The following GPATCH8 variants were observed in gnomAD, a reference collection of about 807,000 sequenced individuals.
The protein encoded by GPATCH8 is G-patch domain containing 8.
Under a neutral mutation model 118.3 loss-of-function variants are expected in GPATCH8, and 18 were observed. That is an observed-to-expected ratio of 0.15 (90% CI 0.11 to 0.23). The LOEUF (loss-of-function observed/expected upper bound fraction) is 0.23. GPATCH8 is among the 10% of genes least tolerant of loss of function. GPATCH8 has a pLI of 1.00. For missense variants in GPATCH8, 1,631 were observed against 1,873.8 expected (o/e 0.87, Z 2.39); for synonymous variants, 659 against 684.7 (o/e 0.96, Z 0.59).
In GPATCH8 at chr17:44,396,566, ATATTT is replaced by A. The variant is rs1178707834; in HGVS notation, c.*997_*1001del. The A allele has an allele frequency of 1.6e-5, 7 of 435,612 alleles. No individual in the cohort carries two copies. The highest frequency in any genetic ancestry group is 6.2e-5 in the African/African-American group (3 of 48,670). 27.0% of individuals were successfully genotyped at this position (435,612 alleles called of 1,614,324 possible). On this transcript the variant is annotated 3_prime_UTR_variant, in exon 8 of 8. Transcript: ENST00000591680. ...CAGTTTTGCATCTAGCAGAAAACAAATATTTTATTTTTTGTTTTCATTTTATAACC... is the reference window on the plus strand; with the variant it reads ...CAGTTTTGCATCTAGCAGAAAACAAATATTTTTTGTTTTCATTTTATAACC...
chr17:44,503,259 CGGAGATGAA>C (rs1555652053), intron 1 of GPATCH8, 58 bp downstream of exon 1: 42 of 1,357,394 alleles, frequency 3.1e-5, no homozygotes, highest in Non-Finnish European at 2.4e-5. Flanking sequence ...GGCTGGGAGC[CGGAGATGAA>C]GGAGGTTCTG....
intron 3 of GPATCH8, among the ~76,000 whole-genome samples, chr17:44,450,104 G>C (rs1000276168): frequency 6.6e-6 from 1 of 152,148 alleles, no homozygotes; most frequent in Non-Finnish European, 1.5e-5. Context: ...GTATAGCAAG[G>C]TCACAGTGCT....
chr17:44,483,637 TTTA>T (rs1968522415), intron 1 of GPATCH8, among the ~76,000 whole-genome samples: 1 of 151,274 alleles, frequency 6.6e-6, no homozygotes, highest in African/African-American at 2.4e-5. Context: ...TAATCAGAAA[TTTA>T]CTTTATTTTT....
intron 1 of GPATCH8, among the ~76,000 whole-genome samples, chr17:44,501,425 A>T (rs1970058918): frequency 6.6e-6 from 1 of 152,152 alleles, no homozygotes; most frequent in Non-Finnish European, 1.5e-5. Context: ...TCAAAAAAAA[A>T]AAAAATTTTT....
At chr17:44,467,280 G>A (rs773927897) in intron 2 of GPATCH8, 4 of 305,524 alleles carry the variant, frequency 1.3e-5, no homozygotes, top group African/African-American at 2.2e-5. Context: ...AGAGATTCAA[G>A]AGCAGCGTGT....
Position 44,405,847 on chromosome 17 carries a change from A to G in GPATCH8, c.623+74T>C, listed in dbSNP as rs147486465. The stretch of plus-strand genomic sequence containing the variant: ...AATCTTAATTTAAATCTTAAATTAT[A>G]ATCTGAAATCTATAATTTAAAATTT... On this transcript the variant is annotated intron_variant, in intron 7 of 7. Transcript: ENST00000591680. 442 of 1,114,500 alleles carry G rather than the reference A, an allele frequency of 4.0e-4. 5 individuals are homozygous for G. In the East Asian group the frequency reaches 0.011, roughly 29 times the overall value. 69.0% of individuals were successfully genotyped at this position (1,114,500 alleles called of 1,614,324 possible).
At chr17:44,489,669 G>C (rs1969085062) in intron 1 of GPATCH8, among the ~76,000 whole-genome samples, 1 of 151,786 alleles carries the variant, frequency 6.6e-6, no homozygotes, top group Admixed American at 6.6e-5. Context: ...TGTTATACTA[G>C]AAAAACAAAA....
intron 2 of GPATCH8, 151 bp from the exon 3 acceptor site, chr17:44,464,695 A>G (rs988846414): frequency 1.5e-6 from 1 of 669,740 alleles, no homozygotes; most frequent in African/African-American, 1.8e-5. Flanking sequence ...GCCCAATAAG[A>G]GGGACATTAA....
At chr17:44,464,647 A>C (rs2051688901) in intron 2 of GPATCH8, 103 bp from the exon 3 acceptor site, 1 of 788,406 alleles carries the variant, frequency 1.3e-6, no homozygotes, top group Admixed American at 1.7e-5. Flanking sequence ...ACTTCTACAT[A>C]TATGCATGCA....
At chr17:44,444,838 C>A (rs2050820184) in intron 3 of GPATCH8, among the ~76,000 whole-genome samples, 1 of 152,154 alleles carries the variant, frequency 6.6e-6, no homozygotes, top group Admixed American at 6.6e-5. Context: ...ATATCCATAT[C>A]TGACACAGTA....
rs752307910 is a variant in GPATCH8, at chr17:44,437,945, G to GAA, written c.194-1402_194-1401dup. Among the ~76,000 whole-genome samples the GAA allele has an allele frequency of 8.3e-4, 53 of 63,596 alleles. 1 individual carries two copies. Among genetic ancestry groups the GAA allele is most frequent in the Admixed American group, 3.4e-3 (19 of 5,532 alleles). 41.7% of individuals were successfully genotyped at this position (63,596 alleles called of 152,430 possible). A position where few individuals can be genotyped will look rare whatever the true frequency, so the allele number is the denominator to read the frequency against. On this transcript the variant is annotated intron_variant, in intron 3 of 7. Coordinates refer to ENST00000591680, the MANE Select transcript of GPATCH8 (RefSeq NM_001002909.4). ...AACTGTTAAAGAACATCTCATGTCA[G>GAA]AAAAAAAAAAAAAACAAAACAACAA... is the stretch of plus-strand genomic sequence containing the variant.
chr17:44,415,647 A>T (rs540939902), intron 6 of GPATCH8, among the ~76,000 whole-genome samples: 7 of 152,362 alleles, frequency 4.6e-5, no homozygotes, highest in Admixed American at 4.6e-4. Flanking sequence ...AAATGGCACA[A>T]CAACAACCCA....
chr17:44,461,625 T>C (rs761771091), intron 3 of GPATCH8, among the ~76,000 whole-genome samples: 2 of 152,128 alleles, frequency 1.3e-5, no homozygotes, highest in African/African-American at 2.4e-5. Flanking sequence ...GGAGGCAAAA[T>C]ATGGATAAAA....
intron 5 of GPATCH8, among the ~76,000 whole-genome samples, chr17:44,432,539 G>A (rs1021774031): frequency 5.9e-5 from 9 of 152,168 alleles, no homozygotes; most frequent in Non-Finnish European, 1.2e-4. Context: ...TGCAAGTAAT[G>A]CATTTTGTAC....
At chr17:44,451,162 C>T (rs11871577) in intron 3 of GPATCH8, among the ~76,000 whole-genome samples, 75,822 of 151,900 alleles carry the variant, frequency 0.5, 20,619 homozygotes, top group Middle Eastern at 0.62. Context: ...GTCACCCAGG[C>T]GGCTCACTGT....
intron 5 of GPATCH8, among the ~76,000 whole-genome samples, chr17:44,430,623 C>T (rs1400420305): frequency 2.6e-5 from 4 of 151,602 alleles, no homozygotes; most frequent in African/African-American, 7.3e-5. Context: ...ATCAGAAAGA[C>T]GACAGGAATG....
intron 3 of GPATCH8, among the ~76,000 whole-genome samples, chr17:44,446,708 A>C (rs1346750496): frequency 1.3e-5 from 2 of 152,210 alleles, no homozygotes; most frequent in African/African-American, 4.8e-5. Flanking sequence ...GCCAACAATC[A>C]AATGCCTTCT....
Position 44,397,914 on chromosome 17 carries a change from G to A in GPATCH8, c.4163C>T (p.Ala1388Val), listed in dbSNP as rs1259034324. The change falls in exon 8 of 8, where the codon GCT (alanine) becomes GTT (valine). Residue 1388 changes from alanine to valine, a missense_variant. By Grantham distance (64) the Ala-to-Val change is moderately conservative. Coordinates refer to ENST00000591680, the MANE Select transcript of GPATCH8 (RefSeq NM_001002909.4). ...AILQHHAAAA[A>V]AAIGIHPHPH... is the part of the protein sequence containing the mutation. ...GTGAGGGTGAATGCCGATGGCGGCA[G>A]CAGCTGCGGCAGCATGATGTTGTAG... The A allele has an allele frequency of 7.4e-6, 12 of 1,612,462 alleles. No homozygotes were observed. Among genetic ancestry groups the A allele is most frequent in the Non-Finnish European group, 1.0e-5 (12 of 1,178,572 alleles).
At chr17:44,481,150 G>A in intron 1 of GPATCH8, among the ~76,000 whole-genome samples, 1 of 152,148 alleles carries the variant, frequency 6.6e-6, no homozygotes, top group African/African-American at 2.4e-5. Flanking sequence ...GGCTCAATCT[G>A]CCCATCTTAG....
Sources: allele counts gnomAD v4.1 joint callset (sites outside exome capture counted in the v4.1 genomes callset), GRCh38; gene constraint gnomAD v4.1.1; transcripts MANE v1.5; gene names NCBI Gene and HGNC (gene_info 2026-07-23, HGNC 2026-07-21).